The following MAN1A2 variants were observed in gnomAD, a reference collection of about 807,000 sequenced individuals.
The protein encoded by MAN1A2 is mannosyl-oligosaccharide 1,2-alpha-mannosidase IB.
Under a neutral mutation model 75.7 loss-of-function variants are expected in MAN1A2, and 26 were observed. That is an observed-to-expected ratio of 0.34 (90% confidence interval 0.25 to 0.48). The LOEUF (loss-of-function observed/expected upper bound fraction) is 0.48, where lower values mean the gene tolerates loss of function less well. MAN1A2 is among the 20% of genes least tolerant of loss of function. The pLI, the probability that MAN1A2 is intolerant of heterozygous loss-of-function variation, is 0.99. For missense variants in MAN1A2, 562 were observed against 775.5 expected (o/e 0.72, Z 3.27); for synonymous variants, 247 against 264.6 (o/e 0.93, Z 0.65).
chr1:117,445,795 A>G (rs1206773679), intron 6 of MAN1A2, among the ~76,000 whole-genome samples: 2 of 149,664 alleles, frequency 1.3e-5, no homozygotes, highest in African/African-American at 4.9e-5. Flanking sequence ...CCAAGGTGCT[A>G]GGATTACAGG....
At chr1:117,416,320 G>T (rs1390913190) in intron 4 of MAN1A2, among the ~76,000 whole-genome samples, 1 of 152,030 alleles carries the variant, frequency 6.6e-6, no homozygotes, top group Non-Finnish European at 1.5e-5. Context: ...CTTGATGTCT[G>T]TATCTGAATC....
intron 6 of MAN1A2, among the ~76,000 whole-genome samples, chr1:117,458,953 T>C (rs1459737302): frequency 6.6e-6 from 1 of 152,112 alleles, no homozygotes; most frequent in Non-Finnish European, 1.5e-5. Flanking sequence ...AACCAGGAAA[T>C]ACTGTTTATC....
At chr1:117,421,883 G>A (rs1648212376) in intron 5 of MAN1A2, among the ~76,000 whole-genome samples, 1 of 152,008 alleles carries the variant, frequency 6.6e-6, no homozygotes, top group South Asian at 2.1e-4. Flanking sequence ...AGGATTCCAA[G>A]CCCTGCCCAA....
chr1:117,373,579 G>T (rs560272254), intron 1 of MAN1A2, among the ~76,000 whole-genome samples: 18 of 150,210 alleles, frequency 1.2e-4, no homozygotes, highest in African/African-American at 4.2e-4. Flanking sequence ...CTATGCTGAA[G>T]TGATCCTCCT....
intron 8 of MAN1A2, among the ~76,000 whole-genome samples, chr1:117,484,343 A>G (rs1177172835): frequency 6.6e-6 from 1 of 151,898 alleles, no homozygotes; most frequent in Admixed American, 6.6e-5. Flanking sequence ...ACAGTGGCAA[A>G]CCTCAATCTA....
intron 12 of MAN1A2, among the ~76,000 whole-genome samples, chr1:117,517,241 C>T (rs1557981907): frequency 6.6e-6 from 1 of 152,238 alleles, no homozygotes; most frequent in Middle Eastern, 3.4e-3. Context: ...AAATAACTAC[C>T]ACCCAACAAA....
chr1:117,431,963 A>G (rs1342006605), intron 5 of MAN1A2, among the ~76,000 whole-genome samples: 5 of 152,314 alleles, frequency 3.3e-5, no homozygotes, highest in African/African-American at 9.6e-5. Context: ...AAAACAAAAA[A>G]CAAGCACGAT....
intron 5 of MAN1A2, among the ~76,000 whole-genome samples, chr1:117,421,243 A>G (rs1648178526): frequency 1.3e-5 from 2 of 152,204 alleles, no homozygotes; most frequent in Admixed American, 1.3e-4. Flanking sequence ...GGAAGAGGTT[A>G]TAAGTCATTT....
At chr1:117,434,934 G>A (rs540325805) in intron 5 of MAN1A2, among the ~76,000 whole-genome samples, 1 of 151,974 alleles carries the variant, frequency 6.6e-6, no homozygotes, top group African/African-American at 2.4e-5. Flanking sequence ...TGGGTGATAC[G>A]TGGAGGGGGG....
intron 6 of MAN1A2, among the ~76,000 whole-genome samples, chr1:117,459,312 C>T (rs773221272): frequency 2.0e-5 from 3 of 152,076 alleles, no homozygotes; most frequent in South Asian, 2.1e-4. Flanking sequence ...GATTCCATAA[C>T]CACATATATG....
At chr1:117,504,564 G>A (rs1651292600) in intron 12 of MAN1A2, among the ~76,000 whole-genome samples, 1 of 151,064 alleles carries the variant, frequency 6.6e-6, no homozygotes, top group African/African-American at 2.4e-5. Context: ...TCACACTTGC[G>A]AACCTTAATA....
chr1:117,420,699 A>G, intron 5 of MAN1A2, 50 bp downstream of exon 5: 1 of 1,287,166 alleles, frequency 7.8e-7, no homozygotes, highest in Non-Finnish European at 1.1e-6. Flanking sequence ...GAGGGTTGGA[A>G]TTTAATAAAA....
At position 117,524,838 on chromosome 1, in the gene MAN1A2, TA is replaced by T. The variant is rs1233642529; in HGVS notation, c.*1884del. On this transcript the variant is annotated 3_prime_UTR_variant, in exon 13 of 13. Coordinates refer to ENST00000356554, the MANE Select transcript of MAN1A2 (RefSeq NM_006699.5). ...TAATATCTTTTACTACTTGAACATT[TA>T]AATTTCTAAATGAGAAAGGTATATA... 5.1e-6 allele frequency: 1 copy of T among 196,092 alleles called. No individual in the cohort carries two copies. Among genetic ancestry groups the T allele is most frequent in the Non-Finnish European group, 1.1e-5 (1 of 92,634 alleles). The allele number at this position is 196,092 out of a possible 1,614,324, so 12.1% of individuals were successfully genotyped here. A position where few individuals can be genotyped will look rare whatever the true frequency, so the allele number is the denominator to read the frequency against.
At chr1:117,476,701 T>C (rs753301624) in intron 8 of MAN1A2, among the ~76,000 whole-genome samples, 7 of 152,058 alleles carry the variant, frequency 4.6e-5, no homozygotes, top group Non-Finnish European at 7.4e-5. Flanking sequence ...GCCTCTGTTG[T>C]GTTTCATTGG....
intron 1 of MAN1A2, among the ~76,000 whole-genome samples, chr1:117,401,147 G>GTTT (rs767056945): frequency 7.4e-6 from 1 of 135,188 alleles, no homozygotes. Context: ...TTGTATAAAG[G>GTTT]TTTTTTTTTT....
In MAN1A2 at chr1:117,521,044, GCAAA is replaced by G. The variant is rs543281529; in HGVS notation, c.1794-1772_1794-1769del. ...TTACAGCCAACTGATCTTCGACAAA[GCAAA>G]CAAACAAAGTGGGGTAAAGACACCC... On this transcript the variant is annotated intron_variant, in intron 12 of 12. Transcript: ENST00000356554. Among the ~76,000 whole-genome samples, 635 of 151,894 alleles carry G rather than the reference GCAAA, an allele frequency of 4.2e-3. 9 individuals carry two copies. The highest frequency in any genetic ancestry group is 0.021 in the South Asian group (101 of 4,818).
chr1:117,480,362 C>T (rs1382693236), intron 8 of MAN1A2, among the ~76,000 whole-genome samples: 1 of 151,890 alleles, frequency 6.6e-6, no homozygotes, highest in Non-Finnish European at 1.5e-5. Flanking sequence ...CAGTAATTTA[C>T]AGGCAATAAT....
chr1:117,503,868 C>T (rs1651273662), intron 12 of MAN1A2, among the ~76,000 whole-genome samples: 2 of 151,712 alleles, frequency 1.3e-5, no homozygotes, highest in East Asian at 1.9e-4. Flanking sequence ...AAATGTCTAT[C>T]TTATTCTAAT....
At chr1:117,379,712 C>T (rs1653269313) in intron 1 of MAN1A2, among the ~76,000 whole-genome samples, 1 of 152,146 alleles carries the variant, frequency 6.6e-6, no homozygotes, top group Non-Finnish European at 1.5e-5. Context: ...CCATATTTCA[C>T]ATAAATAGTA....
Sources: allele counts gnomAD v4.1 joint callset (sites outside exome capture counted in the v4.1 genomes callset), GRCh38; gene constraint gnomAD v4.1.1; transcripts MANE v1.5; gene names NCBI Gene and HGNC (gene_info 2026-07-23, HGNC 2026-07-21).